FMNL2: variants seen among roughly 807,000 people sequenced by gnomAD.
FMNL2 encodes formin-like protein 2.
FMNL2 carries 51 observed loss-of-function variants against 130.2 expected under a neutral mutation model. The observed-to-expected ratio is 0.39, with a 90% CI of 0.31 to 0.49. The LOEUF (loss-of-function observed/expected upper bound fraction) is 0.49. FMNL2 is among the 20% of genes least tolerant of loss of function. The pLI is 0.85. For synonymous variants in FMNL2, 465 were observed against 467.1 expected, an observed-to-expected ratio of 1.00 and a Z score of 0.06; for missense variants, 977 against 1,316.2, an observed-to-expected ratio of 0.74 and a Z score of 3.99.
chr2:152,359,463 C>T (rs1683033898), intron 1 of FMNL2, among the ~76,000 whole-genome samples: 1 of 143,886 alleles, frequency 6.9e-6, no homozygotes, highest in East Asian at 2.1e-4. Flanking sequence ...CAGTTGTAGC[C>T]GTTATCTAAG....
In FMNL2 at chr2:152,647,820, G is replaced by A. The variant is rs777043152; in HGVS notation, c.3194G>A (p.Arg1065Gln). The A allele has an allele frequency of 7.4e-6, 12 of 1,613,814 alleles. No homozygotes were observed. Among genetic ancestry groups the A allele is most frequent in the Non-Finnish European group, 9.3e-6 (11 of 1,179,874 alleles). The change falls in exon 26 of 26, where the codon CGA becomes CAA. Residue 1065 changes from arginine (R) to glutamine (Q), a missense_variant. Coordinates refer to ENST00000288670, the MANE Select transcript of FMNL2 (RefSeq NM_052905.4). ...ITDLRNQPYR[R>Q]ADAVRRSVRR... ...GATCTTAGAAACCAACCATACAGAC[G>A]AGCCGATGCGGTGAGGAGAAGCGTC...
intron 1 of FMNL2, among the ~76,000 whole-genome samples, chr2:152,439,079 TTGTGTGTGTGTGTG>T (rs10539703): frequency 1.4e-5 from 2 of 144,476 alleles, no homozygotes; most frequent in Non-Finnish European, 3.0e-5. Flanking sequence ...TTCAGTTTAA[TTGTGTGTGTGTGTG>T]TGTGTGTGTG....
intron 1 of FMNL2, among the ~76,000 whole-genome samples, chr2:152,469,064 C>G (rs1305313324): frequency 6.6e-6 from 1 of 152,218 alleles, no homozygotes; most frequent in African/African-American, 2.4e-5. Context: ...GCCAATTACT[C>G]TTGTTCAGAT....
chr2:152,568,551 A>G (rs575155392), intron 6 of FMNL2, among the ~76,000 whole-genome samples: 17 of 152,264 alleles, frequency 1.1e-4, no homozygotes, highest in African/African-American at 4.1e-4. Flanking sequence ...TCACACTGCT[A>G]TAAGGACATA....
chr2:152,524,129 T>G (rs2105412456), intron 2 of FMNL2, among the ~76,000 whole-genome samples: 1 of 152,334 alleles, frequency 6.6e-6, no homozygotes, highest in South Asian at 2.1e-4. Context: ...AGGATAACAT[T>G]TTTAAATGTA....
At chr2:152,438,690 C>G (rs1373243720) in intron 1 of FMNL2, among the ~76,000 whole-genome samples, 1 of 152,042 alleles carries the variant, frequency 6.6e-6, no homozygotes, top group Non-Finnish European at 1.5e-5. Context: ...AGCAGATTTG[C>G]TTCTTGGCGC....
chr2:152,467,790 A>G (rs969345432), intron 1 of FMNL2, among the ~76,000 whole-genome samples: 1 of 152,224 alleles, frequency 6.6e-6, no homozygotes, highest in African/African-American at 2.4e-5. Flanking sequence ...AGGCCTGGTC[A>G]ACTGTTGATG....
At chr2:152,403,402 A>G (rs1404196555) in intron 1 of FMNL2, among the ~76,000 whole-genome samples, 1 of 152,054 alleles carries the variant, frequency 6.6e-6, no homozygotes, top group Non-Finnish European at 1.5e-5. Flanking sequence ...CTTCTTCCCC[A>G]TTTATGTATT....
At chr2:152,449,217 C>T (rs996247048) in intron 1 of FMNL2, among the ~76,000 whole-genome samples, 4 of 152,074 alleles carry the variant, frequency 2.6e-5, no homozygotes, top group Non-Finnish European at 4.4e-5. Context: ...TTTCTCTTTC[C>T]GGAACTATGG....
intron 25 of FMNL2, among the ~76,000 whole-genome samples, chr2:152,646,167 AAAAC>A (rs577260827): frequency 2.2e-4 from 33 of 150,246 alleles, no homozygotes; most frequent in South Asian, 8.4e-4. Context: ...CAAAAAAAAA[AAAAC>A]AAACAAACAA....
intron 1 of FMNL2, among the ~76,000 whole-genome samples, chr2:152,436,846 A>G (rs969290839): frequency 1.3e-5 from 2 of 152,176 alleles, no homozygotes; most frequent in Non-Finnish European, 2.9e-5. Flanking sequence ...TTGGTGGACA[A>G]GTAGACCCCT....
At chr2:152,419,436 G>T (rs1686790069) in intron 1 of FMNL2, among the ~76,000 whole-genome samples, 1 of 152,144 alleles carries the variant, frequency 6.6e-6, no homozygotes, top group Non-Finnish European at 1.5e-5. Flanking sequence ...AACATGCTAA[G>T]TGAAGTAAGC....
At chr2:152,446,422 T>C (rs1332617496) in intron 1 of FMNL2, among the ~76,000 whole-genome samples, 2 of 152,190 alleles carry the variant, frequency 1.3e-5, no homozygotes, top group Non-Finnish European at 2.9e-5. Context: ...GGATGGTAGC[T>C]GAAACCAGAT....
intron 1 of FMNL2, among the ~76,000 whole-genome samples, chr2:152,364,261 GTTTTTT>G (rs869062341): frequency 5.3e-4 from 13 of 24,472 alleles, no homozygotes; most frequent in African/African-American, 1.5e-3. Context: ...AGGTTTGTGT[GTTTTTT>G]TTTTTTTTTT....
chr2:152,501,379 A>C (rs1007666599), intron 1 of FMNL2, among the ~76,000 whole-genome samples: 11 of 152,252 alleles, frequency 7.2e-5, no homozygotes, highest in African/African-American at 2.7e-4. Flanking sequence ...AACTCAGAAA[A>C]TGTATCTGAC....
intron 1 of FMNL2, among the ~76,000 whole-genome samples, chr2:152,485,528 T>A (rs558832210): frequency 1.8e-4 from 28 of 152,228 alleles, no homozygotes; most frequent in African/African-American, 6.5e-4. Flanking sequence ...GGGGACAGAG[T>A]AAGACTCTCT....
intron 1 of FMNL2, among the ~76,000 whole-genome samples, chr2:152,490,729 G>A (rs1691126455): frequency 1.4e-5 from 2 of 142,116 alleles, no homozygotes; most frequent in Admixed American, 7.5e-5. Context: ...AGTTTATGGA[G>A]TTTAAGGAAA....
At chr2:152,621,453 C>A (rs1029611783) in intron 15 of FMNL2, among the ~76,000 whole-genome samples, 5 of 152,128 alleles carry the variant, frequency 3.3e-5, no homozygotes, top group African/African-American at 1.2e-4. Context: ...TCAATTGCCT[C>A]AATATTTTAA....
intron 1 of FMNL2, among the ~76,000 whole-genome samples, chr2:152,426,408 T>C (rs893112523): frequency 2.0e-5 from 3 of 152,212 alleles, no homozygotes; most frequent in Non-Finnish European, 2.9e-5. Flanking sequence ...CTTAGTATGT[T>C]TTATCACTTG....
Sources: gnomAD v4.1 joint callset for allele counts (sites outside exome capture counted in the v4.1 genomes callset) on GRCh38, gnomAD v4.1.1 for gene constraint, MANE v1.5 for transcripts, NCBI Gene and HGNC (gene_info 2026-07-23, HGNC 2026-07-21) for gene names.